DPP6: variants seen among roughly 807,000 people sequenced by gnomAD.
DPP6 encodes dipeptidyl peptidase like 6.
In DPP6, 69 loss-of-function variants were observed where a neutral mutation model predicts 122.6. The observed-to-expected ratio is 0.56, with a 90% CI of 0.46 to 0.69. The LOEUF is 0.69. DPP6 is among the 30% of genes least tolerant of loss of function. DPP6 has a pLI of 0.00. For synonymous variants in DPP6, 418 were observed against 433.1 expected (o/e 0.97, Z 0.43); for missense variants, 928 against 1,116.9 (o/e 0.83, Z 2.41).
upstream of DPP6, among the ~76,000 whole-genome samples, chr7:154,050,009 G>T (rs1308821633): frequency 1.3e-5 from 2 of 152,110 alleles, no homozygotes; most frequent in Admixed American, 6.5e-5. Flanking sequence ...GAACATCCTC[G>T]TGTTCATCCA....
chr7:153,894,761 A>C (rs945010846), intron 1 of DPP6, among the ~76,000 whole-genome samples: 5 of 152,194 alleles, frequency 3.3e-5, no homozygotes, highest in African/African-American at 1.2e-4. Flanking sequence ...CTGTGCACTC[A>C]TATGTTTAAT....
chr7:154,162,959 T>G (rs1437865711), intron 1 of DPP6, among the ~76,000 whole-genome samples: 2 of 151,082 alleles, frequency 1.3e-5, no homozygotes, highest in South Asian at 2.1e-4. Context: ...TGAGTGGAAC[T>G]TAACACCAGA....
chr7:154,239,461 G>T (rs1380856966), intron 1 of DPP6, among the ~76,000 whole-genome samples: 1 of 152,000 alleles, frequency 6.6e-6, no homozygotes, highest in African/African-American at 2.4e-5. Flanking sequence ...AGATCTTTAT[G>T]GTGACCCACT....
chr7:154,114,063 A>G (rs1433478906), intron 1 of DPP6, among the ~76,000 whole-genome samples: 2 of 151,890 alleles, frequency 1.3e-5, no homozygotes, highest in East Asian at 3.9e-4. Context: ...TCTTATGTGT[A>G]GACAACCCAA....
chr7:154,127,726 C>T lies in DPP6; in HGVS notation c.243+74663C>T, dbSNP rs544672879. On this transcript the variant is annotated intron_variant, in intron 1 of 25. Transcript: ENST00000377770. ...AAGGAATCATTCTTTCCAATGGCAT[C>T]GTTGCCCAGCGTTGGCCAGACTGTG... Among the ~76,000 whole-genome samples, 751 of 152,092 alleles carry T rather than the reference C, an allele frequency of 4.9e-3. 5 individuals are homozygous for T. The highest frequency in any genetic ancestry group is 8.2e-3 in the Non-Finnish European group (557 of 68,020).
At chr7:154,355,335 TATA>T (rs1384414336) in intron 1 of DPP6, among the ~76,000 whole-genome samples, 10 of 152,240 alleles carry the variant, frequency 6.6e-5, no homozygotes, top group Non-Finnish European at 1.5e-4. Flanking sequence ...GGCCTTTTCA[TATA>T]ATATTTTTCA....
Position 154,599,494 on chromosome 7 carries a change from T to TTTATTA in DPP6, c.627+32601_627+32606dup, listed in dbSNP as rs144958836. On this transcript the variant is annotated intron_variant, in intron 5 of 25. Coordinates refer to ENST00000377770, the MANE Select transcript of DPP6 (RefSeq NM_130797.4). ...TTCTCTCTACTCAAGTGGACTTCTT[T>TTTATTA]TTATTATTATTATTATTATTATTAT... Among the ~76,000 whole-genome samples, 78 of 149,178 alleles carry TTTATTA rather than the reference T, an allele frequency of 5.2e-4. 1 individual carries two copies. The South Asian group carries it at 8.7e-3, about 17-fold the overall frequency.
chr7:154,332,919 A>T (rs1215710599), intron 1 of DPP6, among the ~76,000 whole-genome samples: 1 of 152,142 alleles, frequency 6.6e-6, no homozygotes, highest in Non-Finnish European at 1.5e-5. Flanking sequence ...CTTGCCTTGG[A>T]AATGAGATTC....
chr7:154,679,856 A>C (rs1011712420), intron 7 of DPP6, among the ~76,000 whole-genome samples: 1 of 152,194 alleles, frequency 6.6e-6, no homozygotes, highest in South Asian at 2.1e-4. Flanking sequence ...GGATGGAGAC[A>C]GTTTGGTGAG....
At chr7:154,254,590 G>A (rs760335828) in intron 1 of DPP6, among the ~76,000 whole-genome samples, 1 of 152,126 alleles carries the variant, frequency 6.6e-6, no homozygotes, top group Non-Finnish European at 1.5e-5. Context: ...TGTGTATGTA[G>A]TGGGGTGGGC....
At chr7:153,802,647 G>A in the DPP6 span, among the ~76,000 whole-genome samples, 1 of 152,092 alleles carries the variant, frequency 6.6e-6, no homozygotes, top group African/African-American at 2.4e-5. Context: ...TGATGCTGCT[G>A]CCTCCAATTC....
intron 6 of DPP6, among the ~76,000 whole-genome samples, chr7:154,641,075 C>T (rs138690807): frequency 1.1e-3 from 174 of 152,172 alleles, no homozygotes; most frequent in African/African-American, 3.6e-3. Flanking sequence ...AGTTTCAGGA[C>T]GGACTACCCC....
At chr7:154,407,749 A>G (rs1343619806) in intron 1 of DPP6, among the ~76,000 whole-genome samples, 3 of 152,212 alleles carry the variant, frequency 2.0e-5, no homozygotes, top group Admixed American at 2.0e-4. Context: ...TTTGAGGAGC[A>G]TGTGAATTCC....
chr7:154,001,075 G>C (rs1017743770), intron 1 of DPP6, among the ~76,000 whole-genome samples: 1 of 151,950 alleles, frequency 6.6e-6, no homozygotes, highest in African/African-American at 2.4e-5. Flanking sequence ...TTCCATCCCT[G>C]TCCTCCTCAC....
At chr7:153,823,287 C>T in the DPP6 span, among the ~76,000 whole-genome samples, 1 of 151,880 alleles carries the variant, frequency 6.6e-6, no homozygotes, top group African/African-American at 2.4e-5. Context: ...CACCGGAAGC[C>T]CTAAGAAGCC....
At chr7:154,754,035 A>T (rs1587033700) in intron 8 of DPP6, among the ~76,000 whole-genome samples, 1 of 72,294 alleles carries the variant, frequency 1.4e-5, no homozygotes, top group African/African-American at 1.4e-4. Flanking sequence ...CCTTCCCCTT[A>T]AAAAAAAAAC....
At chr7:153,916,969 T>C (rs1457833538) in intron 1 of DPP6, among the ~76,000 whole-genome samples, 1 of 152,246 alleles carries the variant, frequency 6.6e-6, no homozygotes, top group African/African-American at 2.4e-5. Flanking sequence ...TGATTAGTGT[T>C]GTCACAATTG....
intron 6 of DPP6, among the ~76,000 whole-genome samples, chr7:154,643,469 T>TTC (rs1491034551): frequency 6.4e-3 from 104 of 16,152 alleles, no homozygotes; most frequent in African/African-American, 0.013. Context: ...AGTAATTTCT[T>TTC]TTTTTTTTTT....
rs529282435 is a variant in DPP6, at chr7:154,351,071, G to A, written c.244-95143G>A. On this transcript the variant is annotated intron_variant, in intron 1 of 25. Coordinates refer to ENST00000377770, the MANE Select transcript of DPP6 (RefSeq NM_130797.4). ...AACATTTAAGGTGTTACCTAGAGAA[G>A]TTAGGAGCATGTGACGGGGGCACGT... 2.0e-5 allele frequency among the ~76,000 whole-genome samples: 3 copies of A among 152,342 alleles called. No individual in the cohort carries two copies. The South Asian group carries it at 6.2e-4, about 32-fold the overall frequency.
Sources: allele counts gnomAD v4.1 joint callset (sites outside exome capture counted in the v4.1 genomes callset), GRCh38; gene constraint gnomAD v4.1.1; transcripts MANE v1.5; gene names NCBI Gene and HGNC (gene_info 2026-07-23, HGNC 2026-07-21).